CNTN5: variants seen among roughly 807,000 people sequenced by gnomAD.
CNTN5 encodes contactin 5.
In CNTN5, 77 loss-of-function variants were observed where a neutral mutation model predicts 129.1. The ratio of observed to expected loss-of-function variants is 0.60; its 90% CI spans 0.50 to 0.72. The LOEUF is 0.72. CNTN5 is among the 30% of genes least tolerant of loss of function. The pLI, the probability that CNTN5 is intolerant of heterozygous loss-of-function variation, is 0.00. For synonymous variants in CNTN5, 509 were observed against 465.6 expected, an observed-to-expected ratio of 1.09 and a Z score of -1.20; for missense variants, 1,478 against 1,328.8, an observed-to-expected ratio of 1.11 and a Z score of -1.75.
chr11:100,176,975 G>T (rs1468798549), intron 13 of CNTN5, among the ~76,000 whole-genome samples: 1 of 151,814 alleles, frequency 6.6e-6, no homozygotes, highest in South Asian at 2.1e-4. Context: ...AATAATTGAG[G>T]TTATGACTAT....
chr11:99,898,257 G>A (rs1163479298), intron 6 of CNTN5, among the ~76,000 whole-genome samples: 1 of 151,650 alleles, frequency 6.6e-6, no homozygotes, highest in Admixed American at 6.6e-5. Flanking sequence ...ATGATACAAA[G>A]GATCAATGAA....
At chr11:99,577,876 G>C (rs984303849) in intron 3 of CNTN5, among the ~76,000 whole-genome samples, 1 of 151,226 alleles carries the variant, frequency 6.6e-6, no homozygotes, top group African/African-American at 2.4e-5. Context: ...TGTGCACAAC[G>C]TGCAGGTTTG....
chr11:99,217,072 C>T (rs758291763), intron 1 of CNTN5, among the ~76,000 whole-genome samples: 1 of 151,966 alleles, frequency 6.6e-6, no homozygotes, highest in African/African-American at 2.4e-5. Flanking sequence ...CCCAGCTACT[C>T]GGGAGGCTGA....
At chr11:99,367,245 A>G (rs1298691898) in intron 2 of CNTN5, among the ~76,000 whole-genome samples, 1 of 152,204 alleles carries the variant, frequency 6.6e-6, no homozygotes, top group Non-Finnish European at 1.5e-5. Context: ...GAACACTTTC[A>G]AACAATTCAT....
At chr11:99,741,606 T>G (rs775531843) in intron 3 of CNTN5, among the ~76,000 whole-genome samples, 11 of 152,166 alleles carry the variant, frequency 7.2e-5, no homozygotes, top group Non-Finnish European at 1.3e-4. Flanking sequence ...CTTACTTAAC[T>G]GTTCAATGAA....
At chr11:99,992,323 G>A (rs1341442574) in intron 8 of CNTN5, among the ~76,000 whole-genome samples, 1 of 152,166 alleles carries the variant, frequency 6.6e-6, no homozygotes, top group Non-Finnish European at 1.5e-5. Flanking sequence ...AAAACACTCA[G>A]CTCTGCTGGG....
Position 100,017,990 on chromosome 11 carries a change from G to A in CNTN5, c.980+15854G>A, listed in dbSNP as rs566015561. Among the ~76,000 whole-genome samples the A allele has an allele frequency of 1.1e-4, 16 of 151,994 alleles. No individual in the cohort carries two copies. In the South Asian group the frequency reaches 3.1e-3, roughly 30 times the overall value. Reference sequence around the variant, plus strand: ...TGGTTATTGTTTGACTTTTGTTTGGGGGGGTAAAATGGGTATAATAGAAAT... The same window carrying A: ...TGGTTATTGTTTGACTTTTGTTTGGAGGGGTAAAATGGGTATAATAGAAAT... On this transcript the variant is annotated intron_variant, in intron 9 of 24. Coordinates refer to ENST00000524871, the MANE Select transcript of CNTN5 (RefSeq NM_014361.4).
intron 5 of CNTN5, 49 bp from the exon 6 acceptor site, chr11:99,845,038 A>G (rs749857642): frequency 5.6e-6 from 9 of 1,608,688 alleles, no homozygotes; most frequent in African/African-American, 1.3e-5. Context: ...TGATATTCTG[A>G]CACTCTCAGG....
At chr11:100,011,523 A>G (rs1940532252) in intron 9 of CNTN5, among the ~76,000 whole-genome samples, 1 of 152,138 alleles carries the variant, frequency 6.6e-6, no homozygotes. Context: ...GCTCTGCTCA[A>G]AAGGCCTTGA....
intron 3 of CNTN5, among the ~76,000 whole-genome samples, chr11:99,776,602 T>C (rs997295055): frequency 6.6e-6 from 1 of 151,460 alleles, no homozygotes; most frequent in Non-Finnish European, 1.5e-5. Context: ...TGTGGCCCCA[T>C]CTTTGTTTTG....
chr11:100,098,321 A>C (rs931144938), intron 13 of CNTN5, among the ~76,000 whole-genome samples: 2 of 152,088 alleles, frequency 1.3e-5, no homozygotes, highest in African/African-American at 4.8e-5. Flanking sequence ...CTTACATTAT[A>C]AAGGTTTAAA....
intron 1 of CNTN5, among the ~76,000 whole-genome samples, chr11:99,074,967 T>A (rs1473735368): frequency 6.6e-6 from 1 of 152,200 alleles, no homozygotes; most frequent in Non-Finnish European, 1.5e-5. Context: ...GATATTGTAA[T>A]CTTTTACTGC....
intron 2 of CNTN5, among the ~76,000 whole-genome samples, chr11:99,443,912 A>T (rs1244248735): frequency 6.6e-6 from 1 of 152,062 alleles, no homozygotes; most frequent in Non-Finnish European, 1.5e-5. Flanking sequence ...TTTATTGAAA[A>T]TATAGGTGGG....
chr11:99,955,588 C>G (rs1323751210), intron 7 of CNTN5, among the ~76,000 whole-genome samples: 5 of 151,988 alleles, frequency 3.3e-5, no homozygotes, highest in Admixed American at 2.6e-4. Flanking sequence ...GAGACAGAGT[C>G]TTGCTCTGTT....
intron 1 of CNTN5, among the ~76,000 whole-genome samples, chr11:99,121,315 A>G (rs190492524): frequency 1.3e-5 from 2 of 151,950 alleles, no homozygotes; most frequent in East Asian, 1.9e-4. Context: ...TTGTATTTTT[A>G]GTAGAGCTAG....
At chr11:99,021,622 T>C (rs1317276563) in intron 1 of CNTN5, among the ~76,000 whole-genome samples, 1 of 152,158 alleles carries the variant, frequency 6.6e-6, no homozygotes, top group East Asian at 1.9e-4. Context: ...AGAAACTAAA[T>C]GTTTGGAAAA....
intron 9 of CNTN5, among the ~76,000 whole-genome samples, chr11:100,021,531 G>A (rs905343274): frequency 1.3e-4 from 20 of 151,998 alleles, no homozygotes; most frequent in African/African-American, 4.1e-4. Context: ...TATGCTTCTC[G>A]ATAAATTGTC....
At chr11:100,038,649 C>T (rs538526956) in intron 9 of CNTN5, among the ~76,000 whole-genome samples, 1 of 152,134 alleles carries the variant, frequency 6.6e-6, no homozygotes, top group East Asian at 1.9e-4. Context: ...AATCTGGGTG[C>T]TCCTGTATTG....
chr11:99,549,114 G>A (rs765581475), intron 2 of CNTN5, among the ~76,000 whole-genome samples: 25 of 147,718 alleles, frequency 1.7e-4, no homozygotes, highest in Non-Finnish European at 3.3e-4. Flanking sequence ...TATAACACAA[G>A]TAATATGCCT....
Sources: gnomAD v4.1 joint callset for allele counts (sites outside exome capture counted in the v4.1 genomes callset) on GRCh38, gnomAD v4.1.1 for gene constraint, MANE v1.5 for transcripts, NCBI Gene and HGNC (gene_info 2026-07-23, HGNC 2026-07-21) for gene names.